Variants in PRDM2 observed in about 807,000 individuals in gnomAD.
PRDM2 encodes the protein PR/SET domain 2.
A neutral mutation model predicts 130.0 loss-of-function variants in PRDM2; 30 were observed. That is an observed-to-expected ratio of 0.23 (90% CI 0.17 to 0.31). The LOEUF (loss-of-function observed/expected upper bound fraction) is 0.31. Among genes scored for constraint, PRDM2 ranks in the 10% least tolerant of loss-of-function variants. The pLI is 1.00. For synonymous variants in PRDM2, 871 were observed against 782.4 expected, an observed-to-expected ratio of 1.11 and a Z score of -1.89; for missense variants, 2,011 against 2,108.4, an observed-to-expected ratio of 0.95 and a Z score of 0.90.
intron 6 of PRDM2, among the ~76,000 whole-genome samples, chr1:13,753,642 A>C (rs966862535): frequency 1.3e-5 from 2 of 152,236 alleles, no homozygotes; most frequent in Non-Finnish European, 2.9e-5. Context: ...GTCTAAAAAA[A>C]GTGCAACACG....
In PRDM2 at chr1:13,809,869, T is replaced by C. The variant is rs376015043; in HGVS notation, c.5037-6558T>C. Among the ~76,000 whole-genome samples the C allele has an allele frequency of 8.8e-4, 134 of 152,250 alleles. 1 individual carries two copies. Among genetic ancestry groups the C allele is most frequent in the African/African-American group, 3.2e-3 (132 of 41,536 alleles). ...AATGACAGAAATTTTTTTTTCACAG[T>C]TCTGGAGACTGGAAGTTCAAGATTA... On this transcript the variant is annotated intron_variant, in intron 8 of 9. Coordinates refer to ENST00000311066, the MANE Select transcript of PRDM2 (RefSeq NM_001393986.1).
chr1:13,773,091 C>A lies in PRDM2; in HGVS notation c.525C>A (p.Ser175=), dbSNP rs754324088. The A allele has an allele frequency of 7.2e-6, 11 of 1,530,052 alleles. No homozygotes were observed. Among genetic ancestry groups the A allele is most frequent in the South Asian group, 4.0e-5 (3 of 75,852 alleles). The allele number at this position is 1,530,052 out of a possible 1,614,324, so 94.8% of individuals were successfully genotyped here. The change falls in exon 7 of 10, where the codon TCC becomes TCA. Residue 175 remains serine (S), a synonymous_variant. Coordinates refer to ENST00000311066, the MANE Select transcript of PRDM2 (RefSeq NM_001393986.1). ...SPKSRKGKKK[S]QENKNKGNKI... ...ATTGTGTTTCAGGGAAGAAAAAATC[C>A]CAGGAAAATAAAAACAAAGGAAACA...
At chr1:13,787,446 C>G (rs963669709) in intron 8 of PRDM2, 1 of 985,076 alleles carries the variant, frequency 1.0e-6, no homozygotes, top group Non-Finnish European at 1.2e-6. Context: ...TGGTGGAAAG[C>G]GGCTAGGTTT....
chr1:13,779,117 C>T lies in PRDM2; in HGVS notation c.1322C>T (p.Ala441Val). Residue 441 changes from alanine to valine, a missense_variant, in exon 8 of 10, where the codon GCT becomes GTT. Physicochemically the swap from Ala to Val is moderately conservative, Grantham distance 64. Coordinates refer to ENST00000311066, the MANE Select transcript of PRDM2 (RefSeq NM_001393986.1). The surrounding 1 kb of genome is among the most constrained non-coding windows in gnomAD (Gnocchi z 4.9). ...GGCAAAGCATCTGGAGAAAACGTTG[C>T]TTCAAAAGATGATTCGAGTCCTCCC... ...ADGKASGENV[A>V]SKDDSSPPSL... The T allele has an allele frequency of 6.2e-7, 1 of 1,614,184 alleles. No homozygotes were observed. Among genetic ancestry groups the T allele is most frequent in the Non-Finnish European group, 8.5e-7 (1 of 1,180,034 alleles).
chr1:13,717,948 A>G (rs1642598256), intron 2 of PRDM2, among the ~76,000 whole-genome samples: 1 of 152,212 alleles, frequency 6.6e-6, no homozygotes, highest in Non-Finnish European at 1.5e-5. Flanking sequence ...CTAGAAGAAT[A>G]TTAGTTATAT....
At chr1:13,729,670 G>A (rs1312944610) in intron 2 of PRDM2, among the ~76,000 whole-genome samples, 1 of 152,128 alleles carries the variant, frequency 6.6e-6, no homozygotes, top group Non-Finnish European at 1.5e-5. Flanking sequence ...GGGCTAATTG[G>A]CTATCTTATG....
chr1:13,735,656 C>T (rs924772988), intron 4 of PRDM2, among the ~76,000 whole-genome samples: 4 of 152,164 alleles, frequency 2.6e-5, no homozygotes, highest in Non-Finnish European at 5.9e-5. Context: ...GCACTGCCTT[C>T]CCCATTATCA....
chr1:13,729,498 A>G (rs994824095), intron 2 of PRDM2, among the ~76,000 whole-genome samples: 20 of 152,326 alleles, frequency 1.3e-4, no homozygotes, highest in Admixed American at 5.2e-4. Context: ...CTACCAGTGT[A>G]ATACCTTTTC....
chr1:13,779,256 T>C lies in PRDM2; in HGVS notation c.1461T>C (p.Tyr487=), dbSNP rs780948847. The stretch of plus-strand genomic sequence containing the variant: ...TTAAAGAACTTCATCCGTGCAAATA[T>C]TGTAAAAAGGTTTTTGGAACTCATA... The part of the protein sequence containing the change: ...GEVKELHPCK[Y]CKKVFGTHTN... Residue 487 remains tyrosine (Y), a synonymous_variant, in exon 8 of 10, where the codon TAT becomes TAC. Transcript: ENST00000311066. The surrounding 1 kb of genome is among the most constrained non-coding windows in gnomAD (Gnocchi z 4.9). 16 of 1,614,008 alleles carry C rather than the reference T, an allele frequency of 9.9e-6. No individual in the cohort carries two copies. Among genetic ancestry groups the C allele is most frequent in the African/African-American group, 9.3e-5 (7 of 74,922 alleles).
intron 6 of PRDM2, among the ~76,000 whole-genome samples, chr1:13,762,336 AC>A (rs1644119469): frequency 6.6e-6 from 1 of 152,198 alleles, no homozygotes; most frequent in Non-Finnish European, 1.5e-5. Context: ...GACCAAACTT[AC>A]CTTGAGGACC....
chr1:13,782,951 G>GT, intron 8 of PRDM2, 120 bp downstream of exon 8: 1 of 1,555,328 alleles, frequency 6.4e-7, no homozygotes, highest in African/African-American at 1.4e-5. Flanking sequence ...GGAAATAGCT[G>GT]TTGTATAAGT....
intron 5 of PRDM2, among the ~76,000 whole-genome samples, chr1:13,747,866 CATTATTTT>C (rs2100528411): frequency 6.6e-6 from 1 of 151,762 alleles, no homozygotes; most frequent in African/African-American, 2.4e-5. Flanking sequence ...AACAGCAACA[CATTATTTT>C]ACTAGCTAAT....
chr1:13,759,445 G>T (rs986948688), intron 6 of PRDM2, among the ~76,000 whole-genome samples: 3 of 152,128 alleles, frequency 2.0e-5, no homozygotes, highest in African/African-American at 7.2e-5. Context: ...TCATTCTGTT[G>T]CCAGTTTGAG....
At chr1:13,805,198 C>T (rs1246330755) in intron 8 of PRDM2, among the ~76,000 whole-genome samples, 9 of 152,132 alleles carry the variant, frequency 5.9e-5, no homozygotes, top group East Asian at 1.9e-4. Context: ...GTGGATGATG[C>T]GATGATGTTT....
At chr1:13,741,164 T>A (rs1643425969) in intron 4 of PRDM2, among the ~76,000 whole-genome samples, 1 of 152,128 alleles carries the variant, frequency 6.6e-6, no homozygotes, top group South Asian at 2.1e-4. Flanking sequence ...AAAATTAAAG[T>A]TAAAAATAGT....
At chr1:13,760,343 A>AG (rs1553158411) in intron 6 of PRDM2, among the ~76,000 whole-genome samples, 1 of 152,064 alleles carries the variant, frequency 6.6e-6, no homozygotes, top group Non-Finnish European at 1.5e-5. Flanking sequence ...TAAAAAAAAA[A>AG]CCTGCCTAAA....
chr1:13,776,927 C>T (rs764103835), intron 7 of PRDM2, among the ~76,000 whole-genome samples: 67 of 152,272 alleles, frequency 4.4e-4, no homozygotes, highest in Admixed American at 1.8e-3. Flanking sequence ...CTGGCCTTCT[C>T]TAGGACTTTG....
At chr1:13,785,790 C>T (rs978131164) in intron 8 of PRDM2, among the ~76,000 whole-genome samples, 1 of 149,636 alleles carries the variant, frequency 6.7e-6, no homozygotes, top group African/African-American at 2.5e-5. Context: ...TACTCACCTC[C>T]TACTCATCTT....
In PRDM2 at chr1:13,758,758, T is replaced by C. The variant is rs544967575; in HGVS notation, c.511+9271T>C. Among the ~76,000 whole-genome samples, 442 of 152,334 alleles carry C rather than the reference T, an allele frequency of 2.9e-3. 3 individuals are homozygous for C. Among genetic ancestry groups the C allele is most frequent in the South Asian group, 5.6e-3 (27 of 4,832 alleles). On this transcript the variant is annotated intron_variant, in intron 6 of 9. Coordinates refer to ENST00000311066, the MANE Select transcript of PRDM2 (RefSeq NM_001393986.1). Reference sequence around the variant, plus strand: ...CTTCTGTGGCCATGATCCTGAAATTTAAAAATATTTTGATGAAAGTTTTAA... The same window carrying C: ...CTTCTGTGGCCATGATCCTGAAATTCAAAAATATTTTGATGAAAGTTTTAA...
Sources: gnomAD v4.1 joint callset for allele counts (sites outside exome capture counted in the v4.1 genomes callset) on GRCh38, gnomAD v4.1.1 for gene constraint, Gnocchi (gnomAD v3.1) non-coding constraint, MANE v1.5 for transcripts, NCBI Gene and HGNC (gene_info 2026-07-23, HGNC 2026-07-21) for gene names.